The following CREM variants were observed in gnomAD, a reference collection of about 807,000 sequenced individuals.
The protein encoded by CREM is cAMP-responsive element modulator.
Under a neutral mutation model 37.3 loss-of-function variants are expected in CREM, and 13 were observed. The observed-to-expected ratio is 0.35, with a 90% CI of 0.23 to 0.55. The LOEUF (loss-of-function observed/expected upper bound fraction) is 0.55. Among genes scored for constraint, CREM ranks in the 20% least tolerant of loss-of-function variants. The probability of loss-of-function intolerance (pLI) is 0.88; values close to 1 mark genes in which losing one functional copy is unlikely to be tolerated. For synonymous variants in CREM, 124 were observed against 120.2 expected (o/e 1.03, Z -0.21); for missense variants, 296 against 362.3 (o/e 0.82, Z 1.49).
intron 7 of CREM, among the ~76,000 whole-genome samples, chr10:35,208,114 T>C (rs907761128): frequency 5.9e-5 from 9 of 152,218 alleles, no homozygotes; most frequent in African/African-American, 2.2e-4. Flanking sequence ...ATTTTCTACA[T>C]GTAGTTTCCT....
intron 5 of CREM, among the ~76,000 whole-genome samples, chr10:35,180,537 C>G (rs761740966): frequency 6.6e-6 from 1 of 152,214 alleles, no homozygotes; most frequent in Admixed American, 6.5e-5. Context: ...TGATACCTAG[C>G]AGATCCGGGG....
intron 3 of CREM, among the ~76,000 whole-genome samples, chr10:35,159,979 T>G (rs1051626673): frequency 5.9e-5 from 9 of 152,330 alleles, no homozygotes; most frequent in Admixed American, 5.9e-4. Context: ...ACAACAGGTC[T>G]ACATTTTGAG....
intron 1 of CREM, among the ~76,000 whole-genome samples, chr10:35,136,551 A>G (rs2090553739): frequency 6.6e-6 from 1 of 152,182 alleles, no homozygotes; most frequent in Non-Finnish European, 1.5e-5. Context: ...CTGGGGGCAC[A>G]TGGTAGCAGT....
intron 6 of CREM, among the ~76,000 whole-genome samples, chr10:35,205,778 G>A (rs1365211091): frequency 6.6e-6 from 1 of 152,096 alleles, no homozygotes; most frequent in African/African-American, 2.4e-5. Flanking sequence ...GGCCAACATG[G>A]CAAAACACCA....
intron 2 of CREM, among the ~76,000 whole-genome samples, chr10:35,142,388 T>C (rs956017175): frequency 1.4e-4 from 21 of 152,174 alleles, no homozygotes; most frequent in African/African-American, 5.1e-4. Flanking sequence ...TGAGTGTAGA[T>C]GTCAATAGCT....
Position 35,152,685 on chromosome 10 carries a change from A to G in CREM, c.168+4194A>G, listed in dbSNP as rs150887776. On this transcript the variant is annotated intron_variant, in intron 3 of 7. Coordinates refer to ENST00000685392, the MANE Select transcript of CREM (RefSeq NM_183011.2). ...GGACTAGACTCGCTGGATTCTGGTAAAACTGTTGATAATAAGTTGGAGAGT... is the reference window on the plus strand; with the variant it reads ...GGACTAGACTCGCTGGATTCTGGTAGAACTGTTGATAATAAGTTGGAGAGT... Among the ~76,000 whole-genome samples, 192 of 152,304 alleles carry G rather than the reference A, an allele frequency of 1.3e-3. 1 individual carries two copies. The highest frequency in any genetic ancestry group is 1.7e-3 in the Non-Finnish European group (116 of 68,024).
At chr10:35,146,995 T>C (rs1442146404) in intron 2 of CREM, among the ~76,000 whole-genome samples, 1 of 150,800 alleles carries the variant, frequency 6.6e-6, no homozygotes, top group Non-Finnish European at 1.5e-5. Context: ...TATTGACAGC[T>C]GAAAAGATGT....
At chr10:35,133,390 C>G (rs1230292502) in intron 1 of CREM, among the ~76,000 whole-genome samples, 1 of 151,428 alleles carries the variant, frequency 6.6e-6, no homozygotes, top group Non-Finnish European at 1.5e-5. Context: ...TCACTGCAGC[C>G]TTCGCCTCCC....
chr10:35,181,544 A>G (rs1407287652), intron 5 of CREM, among the ~76,000 whole-genome samples: 1 of 152,026 alleles, frequency 6.6e-6, no homozygotes, highest in Non-Finnish European at 1.5e-5. Flanking sequence ...AGAGTCAGGA[A>G]TTTTGGTTGA....
intron 3 of CREM, chr10:35,175,993 C>T (rs1046723441): frequency 1.9e-5 from 30 of 1,550,074 alleles, no homozygotes; most frequent in Non-Finnish European, 2.4e-5. Flanking sequence ...AAATACACAC[C>T]GTTCAGGTTA....
intron 5 of CREM, among the ~76,000 whole-genome samples, chr10:35,181,516 G>A (rs555609654): frequency 2.1e-4 from 32 of 152,184 alleles, no homozygotes; most frequent in African/African-American, 7.0e-4. Flanking sequence ...GTGTGTCTGT[G>A]GGGGGGATGA....
chr10:35,137,539 G>T (rs573500144), intron 1 of CREM, among the ~76,000 whole-genome samples: 1 of 151,970 alleles, frequency 6.6e-6, no homozygotes, highest in Non-Finnish European at 1.5e-5. Flanking sequence ...TTTTTCCCTA[G>T]GAAGATAAGA....
intron 5 of CREM, among the ~76,000 whole-genome samples, chr10:35,180,160 C>G (rs2094292989): frequency 6.6e-6 from 1 of 152,058 alleles, no homozygotes; most frequent in Non-Finnish European, 1.5e-5. Context: ...AGTAATTGAA[C>G]AAATATATTG....
intron 3 of CREM, among the ~76,000 whole-genome samples, chr10:35,153,035 T>G (rs1391502293): frequency 6.6e-6 from 1 of 151,726 alleles, no homozygotes; most frequent in Non-Finnish European, 1.5e-5. Flanking sequence ...AGCCCAGGAG[T>G]TCAAGACCAG....
At chr10:35,150,315 T>C (rs189077582) in intron 3 of CREM, among the ~76,000 whole-genome samples, 443 of 152,162 alleles carry the variant, frequency 2.9e-3, no homozygotes, top group African/African-American at 9.7e-3. Context: ...AGGTGTGAGC[T>C]TCTTGTACCC....
At chr10:35,161,222 C>T (rs546230161) in intron 3 of CREM, among the ~76,000 whole-genome samples, 171 of 151,852 alleles carry the variant, frequency 1.1e-3, no homozygotes, top group African/African-American at 3.5e-3. Context: ...CTGCAACCTC[C>T]GCCTCCTGGG....
At chr10:35,176,997 A>G (rs1241699157) in intron 3 of CREM, among the ~76,000 whole-genome samples, 1 of 152,160 alleles carries the variant, frequency 6.6e-6, no homozygotes, top group Non-Finnish European at 1.5e-5. Flanking sequence ...ATGCATCTTA[A>G]TTACTGAATT....
At chr10:35,155,284 T>C (rs1363036572) in intron 3 of CREM, among the ~76,000 whole-genome samples, 7 of 152,182 alleles carry the variant, frequency 4.6e-5, no homozygotes, top group Non-Finnish European at 1.5e-5. Context: ...AATGAAAAAA[T>C]AACTGAGTAT....
At chr10:35,193,610 C>A (rs147534980) in intron 6 of CREM, among the ~76,000 whole-genome samples, 53 of 152,212 alleles carry the variant, frequency 3.5e-4, no homozygotes, top group African/African-American at 1.1e-3. Flanking sequence ...ATATCTTCAG[C>A]TGAATTGAAA....
Sources: allele counts gnomAD v4.1 joint callset (sites outside exome capture counted in the v4.1 genomes callset), GRCh38; gene constraint gnomAD v4.1.1; transcripts MANE v1.5; gene names NCBI Gene and HGNC (gene_info 2026-07-23, HGNC 2026-07-21).